EPG5: variants seen among roughly 807,000 people sequenced by gnomAD.
The protein encoded by EPG5 is ectopic P granules protein 5 homolog.
Under a neutral mutation model 302.7 loss-of-function variants are expected in EPG5, and 159 were observed. The observed-to-expected ratio is 0.53, with a 90% CI of 0.46 to 0.60. The LOEUF is 0.60. Among genes scored for constraint, EPG5 ranks in the 20% least tolerant of loss-of-function variants. The pLI is 0.00. For missense variants in EPG5, 2,896 were observed against 3,092.4 expected, an observed-to-expected ratio of 0.94 and a Z score of 1.51; for synonymous variants, 1,158 against 1,136.8, an observed-to-expected ratio of 1.02 and a Z score of -0.37.
Position 45,849,778 on chromosome 18 carries a change from A to G in EPG5, c.*2689T>C, listed in dbSNP as rs1207261401. ...CAACAAAGGATGGTGAGACTGAGAA[A>G]TGAGTCACGCCTTGGAGCTGAGGTC... On this transcript the variant is annotated 3_prime_UTR_variant, in exon 44 of 44. Coordinates refer to ENST00000282041, the MANE Select transcript of EPG5 (RefSeq NM_020964.3). 1 of 152,280 alleles carries G rather than the reference A, an allele frequency of 6.6e-6. No homozygotes were observed. The highest frequency in any genetic ancestry group is 2.4e-5 in the African/African-American group (1 of 41,450). The allele number at this position is 152,280 out of a possible 1,614,324, so 9.4% of individuals were successfully genotyped here.
At chr18:45,913,335 G>C (rs556035196) in intron 21 of EPG5, among the ~76,000 whole-genome samples, 112 of 152,184 alleles carry the variant, frequency 7.4e-4, no homozygotes, top group African/African-American at 2.6e-3. Flanking sequence ...CTAAGAATCA[G>C]CTAGGAGTTT....
the EPG5 span, chr18:45,838,880 A>C: frequency 6.3e-7 from 1 of 1,592,088 alleles, no homozygotes; most frequent in African/African-American, 1.3e-5. Context: ...GGTCACGGCC[A>C]CCTAGTGACC....
At chr18:45,865,560 G>T in intron 39 of EPG5, 55 bp downstream of exon 39, 1 of 1,581,186 alleles carries the variant, frequency 6.3e-7, no homozygotes, top group Non-Finnish European at 8.7e-7. Flanking sequence ...AGTGCCTTAC[G>T]CACAGCAGGA....
chr18:45,816,030 A>G, the EPG5 span, among the ~76,000 whole-genome samples: 2 of 152,176 alleles, frequency 1.3e-5, no homozygotes, highest in Non-Finnish European at 2.9e-5. Context: ...ACAAAAACAT[A>G]AAGTGGAGAA....
At chr18:45,877,264 T>A (rs8097629) in intron 34 of EPG5, among the ~76,000 whole-genome samples, 152,051 of 152,098 alleles carry the variant, frequency 1, 76,002 homozygotes, top group Middle Eastern at 1. Context: ...AAATTAAAAT[T>A]GAAAAATAGC....
At chr18:45,906,168 C>T (rs144896669) in intron 24 of EPG5, among the ~76,000 whole-genome samples, 1 of 152,116 alleles carries the variant, frequency 6.6e-6, no homozygotes, top group Admixed American at 6.5e-5. Context: ...CCTCAGGCAC[C>T]CCCTCTTCCA....
the EPG5 span, among the ~76,000 whole-genome samples, chr18:45,824,017 A>G: frequency 3.3e-5 from 5 of 152,316 alleles, no homozygotes; most frequent in South Asian, 4.1e-4. Context: ...CAGAGATGAT[A>G]CTGAGGACTG....
At position 45,907,956 on chromosome 18, in the gene EPG5, AC is replaced by A; in HGVS notation, c.4329+1del. 1.9e-6 allele frequency: 3 copies of A among 1,556,642 alleles called. No individual in the cohort carries two copies. The highest frequency in any genetic ancestry group is 2.6e-6 in the Non-Finnish European group (3 of 1,163,214). ...AAAAAAAAAGGAGGGCTATAATTTC[AC>A]CTGCTGATTCTGCATCACTTTTGCT... On this transcript the variant is annotated splice_donor_variant, in intron 24 of 43. Coordinates refer to ENST00000282041, the MANE Select transcript of EPG5 (RefSeq NM_020964.3). LOFTEE classifies it high-confidence loss of function.
downstream of EPG5, among the ~76,000 whole-genome samples, chr18:45,845,450 C>G (rs1194657021): frequency 2.0e-5 from 3 of 152,158 alleles, no homozygotes; most frequent in Non-Finnish European, 4.4e-5. Flanking sequence ...GGGGACAGCA[C>G]TCGGCCCTCC....
At chr18:45,866,455 C>T (rs1175157214) in intron 38 of EPG5, among the ~76,000 whole-genome samples, 4 of 152,152 alleles carry the variant, frequency 2.6e-5, no homozygotes, top group Non-Finnish European at 5.9e-5. Flanking sequence ...GATGAGAAAA[C>T]TGAGGGACTT....
intron 42 of EPG5, 138 bp downstream of exon 42, chr18:45,857,715 T>TC: frequency 1.1e-5 from 4 of 359,738 alleles, no homozygotes; most frequent in East Asian, 5.1e-5. Flanking sequence ...TTTTTTTTTC[T>TC]TTTTTTTTTT....
At chr18:45,903,420 G>A (rs922895118) in intron 25 of EPG5, among the ~76,000 whole-genome samples, 1 of 152,080 alleles carries the variant, frequency 6.6e-6, no homozygotes, top group African/African-American at 2.4e-5. Flanking sequence ...TTTGGTTAGT[G>A]GCAAGCTGGA....
Position 45,916,190 on chromosome 18 carries a change from C to T in EPG5, c.3401G>A (p.Ser1134Asn), listed in dbSNP as rs1429746787. Residue 1134 changes from serine (S) to asparagine (N), a missense_variant, in exon 19 of 44, where the codon AGC (serine) becomes AAC (asparagine). Around this residue, in one of 5 missense-constraint regions of EPG5, gnomAD observed 1,390 missense variants for 1,430.0 expected, o/e 0.97. Coordinates refer to ENST00000282041, the MANE Select transcript of EPG5 (RefSeq NM_020964.3). ...GGGGCCCACTTCATTGGGCTGAGTG[C>T]TTACAGATATGTGTGCCTGTGGAGA... is the stretch of plus-strand genomic sequence containing the variant. ...NSMIQAHISV[S>N]TQPNEVGPVA... is the part of the protein sequence containing the mutation. The T allele has an allele frequency of 3.1e-6, 5 of 1,612,992 alleles. No homozygotes were observed. In the South Asian group the frequency reaches 3.3e-5, roughly 11 times the overall value.
the EPG5 span, chr18:45,837,461 G>C: frequency 7.0e-6 from 10 of 1,424,056 alleles, no homozygotes; most frequent in Admixed American, 2.9e-4. Flanking sequence ...CCCCGGGTGC[G>C]GGCGCCTCGA....
intron 19 of EPG5, 76 bp downstream of exon 19, chr18:45,915,933 A>T: frequency 7.6e-7 from 1 of 1,309,738 alleles, no homozygotes; most frequent in Middle Eastern, 2.7e-4. Flanking sequence ...TGAAAACTGT[A>T]CTTGGGGGAA....
At position 45,967,281 on chromosome 18, in the gene EPG5, C is replaced by T; in HGVS notation, c.-42G>A. The T allele has an allele frequency of 1.3e-6, 2 of 1,529,168 alleles. No individual in the cohort carries two copies. The highest frequency in any genetic ancestry group is 1.8e-6 in the Non-Finnish European group (2 of 1,135,036). The allele number at this position is 1,529,168 out of a possible 1,614,324, so 94.7% of individuals were successfully genotyped here. ...CCGTCACCGTTTGTTTTTGTCAAAC[C>T]CCTGCGCTTCAAGCAACCTGCCCGG... On this transcript the variant is annotated 5_prime_UTR_variant, in exon 1 of 44. Transcript: ENST00000282041.
At chr18:45,900,214 AAC>A (rs747983552) in intron 26 of EPG5, among the ~76,000 whole-genome samples, 30 of 152,106 alleles carry the variant, frequency 2.0e-4, no homozygotes, top group Non-Finnish European at 3.5e-4. Context: ...CATCCTGGCT[AAC>A]ACAGTGAAAC....
At position 45,915,608 on chromosome 18, in the gene EPG5, T is replaced by A; in HGVS notation, c.3596A>T (p.Tyr1199Phe). The stretch of plus-strand genomic sequence containing the variant: ...TGAGAGCAGACTCCGGTCACAGTGG[T>A]AACCCAAGGCATTCTACACCGGGAG... ...LYQQHKNALG[Y>F]HCDRSLLSSL... Residue 1199 changes from tyrosine to phenylalanine, a missense_variant, in exon 20 of 44, where the codon TAC becomes TTC. Around this residue, in one of 5 missense-constraint regions of EPG5, gnomAD observed 1,390 missense variants for 1,430.0 expected, o/e 0.97. Coordinates refer to ENST00000282041, the MANE Select transcript of EPG5 (RefSeq NM_020964.3). 6.2e-7 allele frequency: 1 copy of A among 1,613,976 alleles called. No homozygotes were observed. The highest frequency in any genetic ancestry group is 8.5e-7 in the Non-Finnish European group (1 of 1,179,886).
the EPG5 span, among the ~76,000 whole-genome samples, chr18:45,828,614 T>C: frequency 6.6e-6 from 1 of 152,194 alleles, no homozygotes; most frequent in East Asian, 1.9e-4. Flanking sequence ...CATTTACTCT[T>C]CAGCACAGCC....
Sources: allele counts gnomAD v4.1 joint callset (sites outside exome capture counted in the v4.1 genomes callset), GRCh38; gene constraint gnomAD v4.1.1; regional missense constraint gnomAD v4.1.1; transcripts MANE v1.5; gene names NCBI Gene and HGNC (gene_info 2026-07-23, HGNC 2026-07-21).